ACAP2: variants seen among roughly 807,000 people sequenced by gnomAD.
ACAP2 encodes ArfGAP with coiled-coil, ankyrin repeat and PH domains 2, also known as arf-GAP with coiled-coil, ANK repeat and PH domain-containing protein 2.
ACAP2 carries 39 observed loss-of-function variants against 115.8 expected under a neutral mutation model. The ratio of observed to expected loss-of-function variants is 0.34; its 90% CI spans 0.26 to 0.44. The LOEUF (loss-of-function observed/expected upper bound fraction) is 0.44. Among genes scored for constraint, ACAP2 ranks in the 20% least tolerant of loss-of-function variants. The probability of loss-of-function intolerance (pLI) is 1.00; values close to 1 mark genes in which losing one functional copy is unlikely to be tolerated. For missense variants in ACAP2, 662 were observed against 927.6 expected (o/e 0.71, Z 3.72); for synonymous variants, 289 against 315.8 (o/e 0.92, Z 0.90).
intron 1 of ACAP2, among the ~76,000 whole-genome samples, chr3:195,423,622 C>CAAAAAAAAAAAAAAAAAAAAAAAAAA (rs59649323): frequency 1.1e-5 from 1 of 92,650 alleles, no homozygotes; most frequent in Non-Finnish European, 2.2e-5. Flanking sequence ...GACTCCGTCT[C>CAAAAAAAAAAAAAAAAAAAAAAAAAA]AAAAAAAAAA....
chr3:195,292,684 G>A (rs1196991499), intron 18 of ACAP2, among the ~76,000 whole-genome samples: 1 of 152,084 alleles, frequency 6.6e-6, no homozygotes, highest in Non-Finnish European at 1.5e-5. Context: ...CACTTTGGGA[G>A]GCCGAGGGGG....
At chr3:195,358,662 G>C (rs1732147583) in intron 4 of ACAP2, among the ~76,000 whole-genome samples, 1 of 151,894 alleles carries the variant, frequency 6.6e-6, no homozygotes, top group Non-Finnish European at 1.5e-5. Flanking sequence ...TATGAGCCCT[G>C]TTTAAAAACA....
chr3:195,407,646 G>A (rs1712900191), intron 1 of ACAP2, among the ~76,000 whole-genome samples: 1 of 152,064 alleles, frequency 6.6e-6, no homozygotes, highest in African/African-American at 2.4e-5. Context: ...GCAGTGAGAT[G>A]AGATGATGCC....
At chr3:195,371,531 T>C (rs1462469281) in intron 4 of ACAP2, among the ~76,000 whole-genome samples, 1 of 152,212 alleles carries the variant, frequency 6.6e-6, no homozygotes, top group East Asian at 1.9e-4. Context: ...CTCTTCCTAT[T>C]TGGATGCCCT....
In ACAP2 at chr3:195,297,187, T is replaced by C. The variant is rs759731261; in HGVS notation, c.1487+3A>G. The C allele has an allele frequency of 2.0e-5, 33 of 1,610,510 alleles. No individual in the cohort carries two copies. The highest frequency in any genetic ancestry group is 2.8e-5 in the Non-Finnish European group (33 of 1,178,168). ...TAGGGGGAAAAAACAACTGAAATAG[T>C]ACCTTTGTCCTGGTTGGGGTTTCTT... On this transcript the variant is annotated splice_donor_region_variant and intron_variant, in intron 16 of 22. Coordinates refer to ENST00000326793, the MANE Select transcript of ACAP2 (RefSeq NM_012287.6).
At chr3:195,307,777 C>T (rs1191120607) in intron 11 of ACAP2, among the ~76,000 whole-genome samples, 1 of 152,102 alleles carries the variant, frequency 6.6e-6, no homozygotes, top group African/African-American at 2.4e-5. Flanking sequence ...TTATCACTTT[C>T]TACTGTTTAA....
intron 10 of ACAP2, among the ~76,000 whole-genome samples, chr3:195,313,942 T>G (rs1485749976): frequency 1.3e-5 from 2 of 152,172 alleles, no homozygotes; most frequent in Non-Finnish European, 2.9e-5. Flanking sequence ...TTCACTTATA[T>G]CTTCAGAAAA....
chr3:195,360,776 C>A (rs563793224), intron 4 of ACAP2, among the ~76,000 whole-genome samples: 2 of 148,570 alleles, frequency 1.3e-5, no homozygotes, highest in South Asian at 4.2e-4. Flanking sequence ...CCAGCTTGGG[C>A]GACAGAGTGA....
chr3:195,285,109 T>G (rs1726759268), intron 22 of ACAP2, among the ~76,000 whole-genome samples: 1 of 152,236 alleles, frequency 6.6e-6, no homozygotes, highest in Admixed American at 6.5e-5. Context: ...ATCTAAGAGA[T>G]AATGTACAAC....
At chr3:195,392,021 T>C in intron 2 of ACAP2, 69 bp downstream of exon 2, 1 of 1,246,304 alleles carries the variant, frequency 8.0e-7, no homozygotes, top group Non-Finnish European at 1.2e-6. Context: ...GACCTACTAC[T>C]GTAGGTACTA....
chr3:195,335,029 T>C (rs1730411388), intron 7 of ACAP2, among the ~76,000 whole-genome samples: 1 of 152,184 alleles, frequency 6.6e-6, no homozygotes, highest in South Asian at 2.1e-4. Context: ...TTTTTGATAG[T>C]CCATGAGCTA....
At chr3:195,422,263 T>C (rs900877401) in intron 1 of ACAP2, among the ~76,000 whole-genome samples, 6 of 151,480 alleles carry the variant, frequency 4.0e-5, no homozygotes, top group South Asian at 2.1e-4. Flanking sequence ...AGATGCTGTA[T>C]TATTTTATTG....
intron 8 of ACAP2, among the ~76,000 whole-genome samples, chr3:195,328,906 T>C (rs1729983583): frequency 6.6e-6 from 1 of 152,048 alleles, no homozygotes; most frequent in Admixed American, 6.6e-5. Flanking sequence ...GGTGAAACCG[T>C]GCCTCTACTA....
At chr3:195,417,852 G>T (rs189706850) in intron 1 of ACAP2, among the ~76,000 whole-genome samples, 1 of 152,086 alleles carries the variant, frequency 6.6e-6, no homozygotes, top group Non-Finnish European at 1.5e-5. Context: ...AGGAGGCTAA[G>T]GTGGGAGGAT....
intron 6 of ACAP2, among the ~76,000 whole-genome samples, chr3:195,339,219 A>G (rs1730713056): frequency 6.6e-6 from 1 of 152,174 alleles, no homozygotes; most frequent in Non-Finnish European, 1.5e-5. Context: ...CGACACAGCA[A>G]GACTCCTTCT....
At chr3:195,292,217 TTTTA>T in intron 19 of ACAP2, 44 bp downstream of exon 19, 1 of 1,507,428 alleles carries the variant, frequency 6.6e-7, no homozygotes, top group Non-Finnish European at 8.8e-7. Context: ...TTATGATTTT[TTTTA>T]AATATTTGAT....
At chr3:195,392,302 A>T (rs1734732665) in intron 1 of ACAP2, among the ~76,000 whole-genome samples, 155 bp from the exon 2 acceptor site, 1 of 152,248 alleles carries the variant, frequency 6.6e-6, no homozygotes, top group Admixed American at 6.5e-5. Flanking sequence ...TCAATACTTC[A>T]TAATCATGCA....
At chr3:195,431,013 G>A (rs1715074102) in intron 1 of ACAP2, among the ~76,000 whole-genome samples, 1 of 151,614 alleles carries the variant, frequency 6.6e-6, no homozygotes, top group Non-Finnish European at 1.5e-5. Context: ...ACTCCCAAAA[G>A]AAACCCCATA....
chr3:195,322,476 A>G (rs1729512789), intron 9 of ACAP2, among the ~76,000 whole-genome samples: 2 of 152,168 alleles, frequency 1.3e-5, no homozygotes, highest in African/African-American at 4.8e-5. Context: ...CAAAAGAGAA[A>G]AAAAAATAAC....
Sources: gnomAD v4.1 joint callset for allele counts (sites outside exome capture counted in the v4.1 genomes callset) on GRCh38, gnomAD v4.1.1 for gene constraint, MANE v1.5 for transcripts, NCBI Gene and HGNC (gene_info 2026-07-23, HGNC 2026-07-21) for gene names.